Variants in STK24 observed in about 807,000 individuals in gnomAD.
STK24 encodes serine/threonine-protein kinase 24.
Under a neutral mutation model 55.6 loss-of-function variants are expected in STK24, and 21 were observed. The ratio of observed to expected loss-of-function variants is 0.38; its 90% confidence interval spans 0.27 to 0.54. STK24 has a LOEUF of 0.54. Ranked by LOEUF, STK24 falls within the 20% of genes least tolerant of loss-of-function variation. The pLI is 0.79. For synonymous variants in STK24, 200 were observed against 215.2 expected, an observed-to-expected ratio of 0.93 and a Z score of 0.62; for missense variants, 383 against 538.4, an observed-to-expected ratio of 0.71 and a Z score of 2.86.
rs1213529179 is a variant in STK24 at position 98,445,216 on chromosome 13, T to C, written c.*7957A>G. ...GTCTGTATTTTTTATTGTGGTAAAA[T>C]AGCTATACCACAATATTGGCCAACT... On this transcript the variant is annotated 3_prime_UTR_variant, in exon 11 of 11. Coordinates refer to ENST00000539966, the MANE Select transcript of STK24 (RefSeq NM_001032296.4). 1 of 152,244 alleles carries C rather than the reference T, an allele frequency of 6.6e-6. No homozygotes were observed. The highest frequency in any genetic ancestry group is 1.5e-5 in the Non-Finnish European group (1 of 68,050). 9.4% of individuals were successfully genotyped at this position (152,244 alleles called of 1,614,324 possible).
At chr13:98,508,074 C>T (rs1407078247) in intron 2 of STK24, among the ~76,000 whole-genome samples, 2 of 152,160 alleles carry the variant, frequency 1.3e-5, no homozygotes, top group East Asian at 1.9e-4. Flanking sequence ...CCTGCAATGA[C>T]GGTCCCAGCT....
chr13:98,559,066 A>G (rs4460927), intron 1 of STK24, among the ~76,000 whole-genome samples: 110,427 of 149,044 alleles, frequency 0.74, 41,072 homozygotes, highest in Non-Finnish European at 0.78. Flanking sequence ...GCACATGCCT[A>G]TAATCCCAGC....
intron 9 of STK24, 57 bp from the exon 10 acceptor site, chr13:98,457,361 A>AG: frequency 6.2e-7 from 1 of 1,611,814 alleles, no homozygotes; most frequent in Non-Finnish European, 8.5e-7. Flanking sequence ...AAAACTGGGA[A>AG]GCATGCTGTT....
At chr13:98,485,270 G>T (rs1269269340) in intron 2 of STK24, among the ~76,000 whole-genome samples, 3 of 152,228 alleles carry the variant, frequency 2.0e-5, no homozygotes, top group Admixed American at 6.5e-5. Context: ...CATTCGGGGA[G>T]AATTTTTAAG....
At chr13:98,556,816 G>A (rs1387662742) in intron 1 of STK24, among the ~76,000 whole-genome samples, 5 of 152,126 alleles carry the variant, frequency 3.3e-5, no homozygotes, top group Admixed American at 6.5e-5. Context: ...GACCCACTTC[G>A]GAAGTGACCA....
chr13:98,556,444 T>C (rs79204103), intron 1 of STK24, among the ~76,000 whole-genome samples: 2,377 of 152,328 alleles, frequency 0.016, 60 homozygotes, highest in African/African-American at 0.049. Flanking sequence ...GCCCTTTCAG[T>C]GCTGTGAGCA....
intron 1 of STK24, among the ~76,000 whole-genome samples, chr13:98,575,420 CACACACACATAT>C (rs1897861310): frequency 1.3e-5 from 2 of 150,738 alleles, no homozygotes; most frequent in Non-Finnish European, 2.9e-5. Context: ...CACACACACA[CACACACACATAT>C]ACACACACAC....
chr13:98,504,868 TGAGG>T lies in STK24; in HGVS notation c.273+14371_273+14374del, dbSNP rs201338450. Among the ~76,000 whole-genome samples, 1,379 of 152,250 alleles carry T rather than the reference TGAGG, an allele frequency of 9.1e-3. 16 individuals are homozygous for T. Among genetic ancestry groups the T allele is most frequent in the African/African-American group, 0.03 (1,258 of 41,554 alleles). ...GTGGATGGAGGCAGGTTCGGGCTGA[TGAGG>T]AAGGTGCACGTCTGTCTGGGCGACG... On this transcript the variant is annotated intron_variant, in intron 2 of 10. Transcript: ENST00000539966.
chr13:98,542,720 A>C lies in STK24; in HGVS notation c.43-23247T>G, dbSNP rs567005810. The C allele has an allele frequency of 1.5e-5, 8 of 519,946 alleles. No homozygotes were observed. The South Asian group carries it at 4.9e-4, about 32-fold the overall frequency. The allele number at this position is 519,946 out of a possible 1,614,324, so 32.2% of individuals were successfully genotyped here. A position where few individuals can be genotyped will look rare whatever the true frequency, so the allele number is the denominator to read the frequency against. On this transcript the variant is annotated intron_variant, in intron 1 of 10. Coordinates refer to ENST00000539966, the MANE Select transcript of STK24 (RefSeq NM_001032296.4). ...TTCCATATTAGTCCCTTGTTCCTGG[A>C]GTGAAAGTGACGGGAAGCAAAGCAG...
chr13:98,467,007 C>G (rs1893950015), intron 5 of STK24, among the ~76,000 whole-genome samples: 1 of 152,188 alleles, frequency 6.6e-6, no homozygotes, highest in Non-Finnish European at 1.5e-5. Context: ...GCCAGTTCTA[C>G]AGTCAAAGTC....
intron 2 of STK24, among the ~76,000 whole-genome samples, chr13:98,516,088 C>A: frequency 6.6e-6 from 1 of 152,160 alleles, no homozygotes; most frequent in East Asian, 1.9e-4. Context: ...AGGAGGGTCC[C>A]CTTCTGGGCC....
In STK24 at chr13:98,527,567, C is replaced by T. The variant is rs1405774417; in HGVS notation, c.43-8094G>A. Among the ~76,000 whole-genome samples, 7 of 152,204 alleles carry T rather than the reference C, an allele frequency of 4.6e-5. No homozygotes were observed. In the South Asian group the frequency reaches 8.3e-4, roughly 18 times the overall value. Reference sequence around the variant, plus strand: ...TGCCCACACCTGGGCAACTCTCCCACGGGCCACCGGCACCCCCTTCCCCAC... The same window carrying T: ...TGCCCACACCTGGGCAACTCTCCCATGGGCCACCGGCACCCCCTTCCCCAC... On this transcript the variant is annotated intron_variant, in intron 1 of 10. Transcript: ENST00000539966.
intron 2 of STK24, among the ~76,000 whole-genome samples, chr13:98,498,389 A>G (rs1219942525): frequency 6.6e-6 from 1 of 152,244 alleles, no homozygotes; most frequent in African/African-American, 2.4e-5. Flanking sequence ...CTGGAGGGAA[A>G]GTCTCTCCTC....
rs141888833 is a variant in STK24 at position 98,490,830 on chromosome 13, T to TAA, written c.274-8511_274-8510dup. ...CTCCCATAGGGAAGGCAGCCTACAT[T>TAA]AAAAAAAAAAAAAAAACAGAACACT... On this transcript the variant is annotated intron_variant, in intron 2 of 10. Coordinates refer to ENST00000539966, the MANE Select transcript of STK24 (RefSeq NM_001032296.4). 3.4e-4 allele frequency among the ~76,000 whole-genome samples: 46 copies of TAA among 135,012 alleles called. 1 individual carries two copies. The highest frequency in any genetic ancestry group is 6.5e-4 in the African/African-American group (24 of 36,934). 88.6% of individuals were successfully genotyped at this position (135,012 alleles called of 152,430 possible). A position where few individuals can be genotyped will look rare whatever the true frequency, so the allele number is the denominator to read the frequency against.
intron 1 of STK24, among the ~76,000 whole-genome samples, chr13:98,545,470 T>A (rs1481541152): frequency 6.6e-6 from 1 of 151,932 alleles, no homozygotes; most frequent in Non-Finnish European, 1.5e-5. Context: ...CCGTCTCCAC[T>A]AAAAATACAA....
intron 3 of STK24, among the ~76,000 whole-genome samples, chr13:98,477,642 T>A (rs551648790): frequency 7.5e-5 from 11 of 147,200 alleles, no homozygotes; most frequent in Non-Finnish European, 1.5e-4. Context: ...ACCATTGCAC[T>A]CCAGCCTGGG....
rs538058645 is a variant in STK24 at position 98,536,548 on chromosome 13, T to C, written c.43-17075A>G. 2.6e-5 allele frequency among the ~76,000 whole-genome samples: 4 copies of C among 152,052 alleles called. No individual in the cohort carries two copies. The South Asian group carries it at 8.3e-4, about 32-fold the overall frequency. On this transcript the variant is annotated intron_variant, in intron 1 of 10. Transcript: ENST00000539966. ...CCTGGCTGACTGTTATTTTACTTTT[T>C]GTAGAGACGGGGTCTATGTTGCCCA...
At chr13:98,481,057 G>C (rs914826205) in intron 3 of STK24, among the ~76,000 whole-genome samples, 2 of 152,198 alleles carry the variant, frequency 1.3e-5, no homozygotes, top group Non-Finnish European at 2.9e-5. Context: ...TGACAGATCT[G>C]GCCTATCTTG....
At chr13:98,522,024 CT>C in intron 1 of STK24, 1 of 1,423,798 alleles carries the variant, frequency 7.0e-7, no homozygotes. Flanking sequence ...TCTCTCCTTC[CT>C]CTGGAGTCCC....
Sources: gnomAD v4.1 joint callset for allele counts (sites outside exome capture counted in the v4.1 genomes callset) on GRCh38, gnomAD v4.1.1 for gene constraint, MANE v1.5 for transcripts, NCBI Gene and HGNC (gene_info 2026-07-23, HGNC 2026-07-21) for gene names.